Variants in MDGA2 observed in about 807,000 individuals in gnomAD.
MDGA2 encodes MAM domain-containing glycosylphosphatidylinositol anchor protein 2.
A neutral mutation model predicts 117.8 loss-of-function variants in MDGA2; 40 were observed. The ratio of observed to expected loss-of-function variants is 0.34; its 90% CI spans 0.26 to 0.44. The LOEUF is 0.44. Among genes scored for constraint, MDGA2 ranks in the 20% least tolerant of loss-of-function variants. The pLI is 1.00. For missense variants in MDGA2, 1,123 were observed against 1,250.6 expected (o/e 0.90, Z 1.54); for synonymous variants, 452 against 439.0 (o/e 1.03, Z -0.37).
At chr14:46,971,094 A>G (rs1886243726) in intron 8 of MDGA2, among the ~76,000 whole-genome samples, 1 of 152,132 alleles carries the variant, frequency 6.6e-6, no homozygotes, top group Non-Finnish European at 1.5e-5. Flanking sequence ...CAGAGAAAAG[A>G]CAATTCATAC....
At chr14:46,871,113 G>C (rs1881977094) in intron 14 of MDGA2, 1 of 151,148 alleles carries the variant, frequency 6.6e-6, no homozygotes, top group Non-Finnish European at 1.5e-5. Flanking sequence ...TAATAATATA[G>C]TAATCCCACA....
intron 5 of MDGA2, among the ~76,000 whole-genome samples, chr14:47,100,602 T>C (rs950505336): frequency 1.2e-4 from 18 of 152,034 alleles, no homozygotes; most frequent in African/African-American, 3.9e-4. Flanking sequence ...TTTATTCTCA[T>C]TGATAAGCAA....
chr14:47,111,068 G>A (rs1881009984), intron 5 of MDGA2, among the ~76,000 whole-genome samples: 1 of 152,130 alleles, frequency 6.6e-6, no homozygotes, highest in Non-Finnish European at 1.5e-5. Context: ...TTGTAATTAG[G>A]AGACAATTAT....
intron 6 of MDGA2, among the ~76,000 whole-genome samples, chr14:47,074,923 TTCAA>T (rs1890435580): frequency 6.6e-6 from 1 of 152,214 alleles, no homozygotes; most frequent in Non-Finnish European, 1.5e-5. Context: ...GATGCAGCAC[TTCAA>T]TCAATGTTCC....
At chr14:46,853,332 G>A (rs950950599) in intron 15 of MDGA2, among the ~76,000 whole-genome samples, 4 of 151,862 alleles carry the variant, frequency 2.6e-5, no homozygotes, top group African/African-American at 7.2e-5. Flanking sequence ...TTTTATGTAT[G>A]TGTGATTGAA....
At chr14:47,182,067 G>T (rs534547727) in intron 3 of MDGA2, among the ~76,000 whole-genome samples, 1 of 151,992 alleles carries the variant, frequency 6.6e-6, no homozygotes, top group Non-Finnish European at 1.5e-5. Flanking sequence ...AGTTTAACAC[G>T]TTAATCTATG....
intron 2 of MDGA2, among the ~76,000 whole-genome samples, chr14:47,269,622 C>T (rs1443560053): frequency 6.6e-6 from 1 of 152,094 alleles, no homozygotes; most frequent in Non-Finnish European, 1.5e-5. Flanking sequence ...TTGATCCTTG[C>T]TTCATTAAAG....
intron 2 of MDGA2, among the ~76,000 whole-genome samples, chr14:47,219,798 G>C (rs1886232308): frequency 6.6e-6 from 1 of 151,980 alleles, no homozygotes; most frequent in Non-Finnish European, 1.5e-5. Context: ...CAAGAGAATA[G>C]TCTCGTCTGT....
chr14:47,448,405 G>T (rs1421884825), intron 1 of MDGA2, among the ~76,000 whole-genome samples: 1 of 152,068 alleles, frequency 6.6e-6, no homozygotes, highest in Non-Finnish European at 1.5e-5. Context: ...CTCCCAAAGT[G>T]CTGGGATTAC....
intron 1 of MDGA2, among the ~76,000 whole-genome samples, chr14:47,632,352 T>C (rs2138225737): frequency 6.6e-6 from 1 of 152,350 alleles, no homozygotes; most frequent in East Asian, 1.9e-4. Context: ...ATTAAGTCTT[T>C]TTAATCCTTA....
chr14:47,166,261 C>T (rs1401814689), intron 3 of MDGA2, among the ~76,000 whole-genome samples: 1 of 152,068 alleles, frequency 6.6e-6, no homozygotes, highest in Admixed American at 6.5e-5. Context: ...GTATTGATCT[C>T]TAGACCTCGT....
At chr14:47,346,157 A>T (rs1479621979) in intron 1 of MDGA2, among the ~76,000 whole-genome samples, 3 of 152,142 alleles carry the variant, frequency 2.0e-5, no homozygotes, top group Admixed American at 2.0e-4. Flanking sequence ...TCCTGATCTG[A>T]TCACTATTAT....
intron 1 of MDGA2, among the ~76,000 whole-genome samples, chr14:47,534,840 G>A (rs1291920182): frequency 3.3e-5 from 5 of 152,096 alleles, no homozygotes; most frequent in Non-Finnish European, 7.3e-5. Flanking sequence ...AACATATAAT[G>A]GAAAACCTCC....
intron 1 of MDGA2, among the ~76,000 whole-genome samples, chr14:47,608,686 A>T (rs1418068019): frequency 6.6e-6 from 1 of 152,138 alleles, no homozygotes; most frequent in African/African-American, 2.4e-5. Flanking sequence ...GAGTCACTGG[A>T]AAGTTCTAAG....
intron 2 of MDGA2, among the ~76,000 whole-genome samples, chr14:47,230,051 C>T (rs377060489): frequency 3.2e-4 from 49 of 151,810 alleles, no homozygotes; most frequent in African/African-American, 1.1e-3. Flanking sequence ...TTTCTTTCAC[C>T]ATTATTCTCA....
chr14:47,439,512 C>T (rs1021386874), intron 1 of MDGA2, among the ~76,000 whole-genome samples: 1 of 152,028 alleles, frequency 6.6e-6, no homozygotes, highest in Non-Finnish European at 1.5e-5. Flanking sequence ...TGTCAGTGGT[C>T]CTCCCCTTCT....
chr14:47,190,939 A>G (rs1432894087), intron 3 of MDGA2, among the ~76,000 whole-genome samples: 1 of 152,134 alleles, frequency 6.6e-6, no homozygotes, highest in Non-Finnish European at 1.5e-5. Context: ...CAGTTAGTGC[A>G]GTTTTTTTCT....
In MDGA2 at chr14:47,289,520, A is replaced by G. The variant is rs1888808567; in HGVS notation, c.420+11891T>C. On this transcript the variant is annotated intron_variant, in intron 2 of 16. Coordinates refer to ENST00000399232, the MANE Select transcript of MDGA2 (RefSeq NM_001113498.3). ...GGTGATCTTCCTACTTAAATAATAC[A>G]TTTCTGAACTATGTCAATAAGAGTC... Among the ~76,000 whole-genome samples, 4 of 152,034 alleles carry G rather than the reference A, an allele frequency of 2.6e-5. No homozygotes were observed. In the South Asian group the frequency reaches 8.3e-4, roughly 31 times the overall value.
At chr14:47,188,155 C>G (rs1884979584) in intron 3 of MDGA2, among the ~76,000 whole-genome samples, 1 of 152,076 alleles carries the variant, frequency 6.6e-6, no homozygotes, top group Non-Finnish European at 1.5e-5. Context: ...AAAACAAAAA[C>G]CCAATGATTG....
Sources: gnomAD v4.1 joint callset for allele counts (sites outside exome capture counted in the v4.1 genomes callset) on GRCh38, gnomAD v4.1.1 for gene constraint, MANE v1.5 for transcripts, NCBI Gene and HGNC (gene_info 2026-07-23, HGNC 2026-07-21) for gene names.